PHACTR3: variants seen among roughly 807,000 people sequenced by gnomAD.
The protein encoded by PHACTR3 is protein phosphatase 1, regulatory subunit 123.
PHACTR3 carries 16 observed loss-of-function variants against 66.8 expected under a neutral mutation model. The observed-to-expected ratio is 0.24, with a 90% CI of 0.16 to 0.36. The LOEUF (loss-of-function observed/expected upper bound fraction) is 0.36. PHACTR3 is among the 10% of genes least tolerant of loss of function. The pLI is 1.00. For synonymous variants in PHACTR3, 323 were observed against 292.1 expected (o/e 1.11, Z -1.08); for missense variants, 647 against 719.9 (o/e 0.90, Z 1.16).
intron 1 of PHACTR3, among the ~76,000 whole-genome samples, chr20:59,632,948 G>T: frequency 6.6e-6 from 1 of 152,152 alleles, no homozygotes; most frequent in East Asian, 1.9e-4. Context: ...TGGTTGCCGG[G>T]TGCTGAGAAA....
At chr20:59,679,055 C>T (rs757479735) in intron 1 of PHACTR3, among the ~76,000 whole-genome samples, 5 of 152,126 alleles carry the variant, frequency 3.3e-5, no homozygotes, top group Non-Finnish European at 5.9e-5. Flanking sequence ...ATGGAGATCA[C>T]GGCAGAGGGT....
At chr20:59,787,318 G>A (rs890269854) in intron 7 of PHACTR3, among the ~76,000 whole-genome samples, 8 of 152,212 alleles carry the variant, frequency 5.3e-5, no homozygotes, top group East Asian at 3.9e-4. Context: ...ACTGGCTTCC[G>A]GGGCTGGGCT....
At chr20:59,840,339 T>C (rs76635598) in intron 9 of PHACTR3, 30 bp from the exon 10 acceptor site, 1 of 1,376,986 alleles carries the variant, frequency 7.3e-7, no homozygotes, top group South Asian at 1.3e-5. Flanking sequence ...CTCTTTGTTA[T>C]TTTTTTTTTC....
At chr20:59,655,437 T>C (rs1345365195) in intron 1 of PHACTR3, among the ~76,000 whole-genome samples, 1 of 152,006 alleles carries the variant, frequency 6.6e-6, no homozygotes, top group African/African-American at 2.4e-5. Context: ...TACTAATTTA[T>C]TGGCATGCAG....
intron 8 of PHACTR3, among the ~76,000 whole-genome samples, chr20:59,835,311 G>C (rs1471160611): frequency 3.9e-5 from 6 of 152,082 alleles, no homozygotes; most frequent in Non-Finnish European, 8.8e-5. Flanking sequence ...TGAACATCGA[G>C]ATATGATGTG....
intron 1 of PHACTR3, among the ~76,000 whole-genome samples, chr20:59,623,949 C>A (rs2034356559): frequency 6.6e-6 from 1 of 152,194 alleles, no homozygotes; most frequent in South Asian, 2.1e-4. Flanking sequence ...TGCTTTGGTG[C>A]CCATGGGCGT....
At chr20:59,779,744 GAATTT>G (rs2040659500) in intron 7 of PHACTR3, among the ~76,000 whole-genome samples, 1 of 152,232 alleles carries the variant, frequency 6.6e-6, no homozygotes, top group Non-Finnish European at 1.5e-5. Flanking sequence ...ATCTGCATGA[GAATTT>G]AATTTTTGGA....
chr20:59,768,674 G>A lies in PHACTR3; in HGVS notation c.751+1279G>A, dbSNP rs115126386. Among the ~76,000 whole-genome samples the A allele has an allele frequency of 5.5e-3, 842 of 152,336 alleles. 4 individuals carry two copies. Among genetic ancestry groups the A allele is most frequent in the African/African-American group, 0.019 (783 of 41,570 alleles). On this transcript the variant is annotated intron_variant, in intron 5 of 12. Transcript: ENST00000371015. ...ACAAGGAGAGCCCGGGCATGAGCTCGGGAGGGCTGGGTCCCAGCCCTTGGC... is the reference window on the plus strand; with the variant it reads ...ACAAGGAGAGCCCGGGCATGAGCTCAGGAGGGCTGGGTCCCAGCCCTTGGC...
intron 8 of PHACTR3, among the ~76,000 whole-genome samples, chr20:59,806,611 G>T (rs1683779892): frequency 6.6e-6 from 1 of 152,206 alleles, no homozygotes; most frequent in Non-Finnish European, 1.5e-5. Context: ...GCAAGAAGGT[G>T]GATCCAGTGT....
intron 4 of PHACTR3, among the ~76,000 whole-genome samples, chr20:59,763,455 G>T (rs2040069594): frequency 6.6e-6 from 1 of 152,226 alleles, no homozygotes; most frequent in Non-Finnish European, 1.5e-5. Context: ...ACCCATGGTT[G>T]TTCAATAACA....
At chr20:59,591,163 C>T (rs2033172766) in intron 1 of PHACTR3, among the ~76,000 whole-genome samples, 2 of 152,304 alleles carry the variant, frequency 1.3e-5, no homozygotes, top group South Asian at 4.2e-4. Context: ...AGGCAGCCTC[C>T]CCAGCAATTT....
chr20:59,829,134 G>A lies in PHACTR3; in HGVS notation c.1329-7371G>A, dbSNP rs764352527. ...AGCAGGTGTGAGGAGGTGGGGAACA[G>A]GGTGTGAAAAGGTCGGCTTTGGACT... On this transcript the variant is annotated intron_variant, in intron 8 of 12. Transcript: ENST00000371015. The surrounding 1 kb of genome is among the most constrained non-coding windows in gnomAD (Gnocchi z 4.2). Among the ~76,000 whole-genome samples, 3 of 152,116 alleles carry A rather than the reference G, an allele frequency of 2.0e-5. No homozygotes were observed. Among genetic ancestry groups the A allele is most frequent in the Non-Finnish European group, 4.4e-5 (3 of 68,012 alleles).
At position 59,805,585 on chromosome 20, in the gene PHACTR3, G is replaced by A. The variant is rs186361510; in HGVS notation, c.1175-456G>A. On this transcript the variant is annotated intron_variant, in intron 7 of 12. Transcript: ENST00000371015. Reference sequence around the variant, plus strand: ...AGATGACATGGAGACCCTAGCGTGGGATATCTAGAAACTGAAGGAAGAGCC... The same window carrying A: ...AGATGACATGGAGACCCTAGCGTGGAATATCTAGAAACTGAAGGAAGAGCC... Among the ~76,000 whole-genome samples, 369 of 152,284 alleles carry A rather than the reference G, an allele frequency of 2.4e-3. 5 individuals are homozygous for A. Among genetic ancestry groups the A allele is most frequent in the Admixed American group, 0.016 (251 of 15,288 alleles).
intron 12 of PHACTR3, among the ~76,000 whole-genome samples, chr20:59,845,616 C>T (rs11086678): frequency 0.096 from 14,572 of 151,816 alleles, 1,478 homozygotes; most frequent in African/African-American, 0.26. Context: ...TTTATACTTA[C>T]AGATTTTTGT....
intron 8 of PHACTR3, among the ~76,000 whole-genome samples, chr20:59,808,780 G>A (rs1351841338): frequency 1.3e-5 from 2 of 152,158 alleles, no homozygotes; most frequent in African/African-American, 2.4e-5. Flanking sequence ...CTCGCTGCTG[G>A]GCTGCAGGCC....
At chr20:59,584,662 C>T (rs2032968186) in intron 1 of PHACTR3, among the ~76,000 whole-genome samples, 1 of 152,186 alleles carries the variant, frequency 6.6e-6, no homozygotes, top group African/African-American at 2.4e-5. Context: ...GGTCCTCCAG[C>T]TCCCAGCCCC....
intron 1 of PHACTR3, among the ~76,000 whole-genome samples, chr20:59,742,181 G>A (rs1196358635): frequency 2.0e-5 from 3 of 152,210 alleles, no homozygotes; most frequent in African/African-American, 4.8e-5. Flanking sequence ...GTGCGCTGGG[G>A]TTTTCTTTGG....
chr20:59,615,762 G>C (rs945499094), intron 1 of PHACTR3, among the ~76,000 whole-genome samples: 10 of 152,180 alleles, frequency 6.6e-5, no homozygotes, highest in Non-Finnish European at 1.2e-4. Flanking sequence ...GCCTAGGCTG[G>C]AAACCTTCAC....
intron 4 of PHACTR3, among the ~76,000 whole-genome samples, chr20:59,758,323 A>G (rs74591488): frequency 0.038 from 5,843 of 152,320 alleles, 128 homozygotes; most frequent in African/African-American, 0.06. Flanking sequence ...AATTAGGGCA[A>G]GTAGTATTGG....
Sources: allele counts gnomAD v4.1 joint callset (sites outside exome capture counted in the v4.1 genomes callset), GRCh38; gene constraint gnomAD v4.1.1; non-coding constraint Gnocchi (gnomAD v3.1); transcripts MANE v1.5; gene names NCBI Gene and HGNC (gene_info 2026-07-23, HGNC 2026-07-21).